The following XYLT1 variants were observed in gnomAD, a reference collection of about 807,000 sequenced individuals.
The protein encoded by XYLT1 is xylosyltransferase 1.
XYLT1 carries 36 observed loss-of-function variants against 91.3 expected under a neutral mutation model. The observed-to-expected ratio is 0.39, with a 90% CI of 0.30 to 0.52. The LOEUF is 0.52. Ranked by LOEUF, XYLT1 falls within the 20% of genes least tolerant of loss-of-function variation. XYLT1 has a pLI of 0.68. For synonymous variants in XYLT1, 588 were observed against 532.0 expected, an observed-to-expected ratio of 1.11 and a Z score of -1.45; for missense variants, 1,242 against 1,284.5, an observed-to-expected ratio of 0.97 and a Z score of 0.51.
At chr16:17,438,859 C>G (rs2036495997) in intron 1 of XYLT1, among the ~76,000 whole-genome samples, 2 of 152,108 alleles carry the variant, frequency 1.3e-5, no homozygotes, top group African/African-American at 4.8e-5. Flanking sequence ...TCCCACCAGG[C>G]CCCTCCCTCA....
chr16:17,247,571 G>A (rs1056698538), intron 3 of XYLT1, among the ~76,000 whole-genome samples: 1 of 152,210 alleles, frequency 6.6e-6, no homozygotes, highest in Non-Finnish European at 1.5e-5. Flanking sequence ...TCAGCAACCT[G>A]AGGAGGCAGG....
At chr16:17,132,431 C>G (rs1338024860) in intron 9 of XYLT1, among the ~76,000 whole-genome samples, 1 of 152,076 alleles carries the variant, frequency 6.6e-6, no homozygotes, top group Non-Finnish European at 1.5e-5. Context: ...AGGGAGAGAA[C>G]AAGGAATTGT....
chr16:17,277,206 T>G (rs140414556), intron 2 of XYLT1, among the ~76,000 whole-genome samples: 1 of 152,332 alleles, frequency 6.6e-6, no homozygotes, highest in Non-Finnish European at 1.5e-5. Context: ...TATTTTATTT[T>G]TATAATTTCA....
chr16:17,128,128 T>G (rs890906638), intron 9 of XYLT1, among the ~76,000 whole-genome samples: 5 of 152,210 alleles, frequency 3.3e-5, no homozygotes, highest in Non-Finnish European at 5.9e-5. Flanking sequence ...ATACATAATG[T>G]CCATTCACAG....
intron 2 of XYLT1, among the ~76,000 whole-genome samples, chr16:17,335,041 T>C (rs991271633): frequency 6.6e-6 from 1 of 151,794 alleles, no homozygotes; most frequent in Non-Finnish European, 1.5e-5. Context: ...CTGGCCAACA[T>C]GGCATAACCC....
At chr16:17,367,864 G>T (rs1300130369) in intron 1 of XYLT1, among the ~76,000 whole-genome samples, 1 of 152,162 alleles carries the variant, frequency 6.6e-6, no homozygotes, top group Non-Finnish European at 1.5e-5. Context: ...AGGAGGAAAG[G>T]CCTATTTCCT....
intron 1 of XYLT1, among the ~76,000 whole-genome samples, chr16:17,418,752 G>A (rs2036211537): frequency 6.6e-6 from 1 of 152,022 alleles, no homozygotes; most frequent in South Asian, 2.1e-4. Flanking sequence ...GGAGTCTGAG[G>A]TGGGAGGCTC....
chr16:17,322,442 T>C (rs1180155609), intron 2 of XYLT1, among the ~76,000 whole-genome samples: 1 of 152,170 alleles, frequency 6.6e-6, no homozygotes, highest in Non-Finnish European at 1.5e-5. Context: ...AGTGCTGCAG[T>C]GTCCTTTGAA....
chr16:17,138,716 CTT>C lies in XYLT1; in HGVS notation c.1588-187_1588-186del, dbSNP rs573292571. On this transcript the variant is annotated intron_variant, in intron 7 of 11. Coordinates refer to ENST00000261381, the MANE Select transcript of XYLT1 (RefSeq NM_022166.4). ...GCAGAACTGCAAGCCAAATAAACCT[CTT>C]TTCTTTATAAATTACCAAGCCTCAG... 75 of 580,922 alleles carry C rather than the reference CTT, an allele frequency of 1.3e-4. No individual in the cohort carries two copies. The South Asian group carries it at 1.7e-3, about 13-fold the overall frequency. 36.0% of individuals were successfully genotyped at this position (580,922 alleles called of 1,614,324 possible).
intron 5 of XYLT1, among the ~76,000 whole-genome samples, chr16:17,177,785 A>C (rs2031977043): frequency 6.6e-6 from 1 of 152,222 alleles, no homozygotes; most frequent in South Asian, 2.1e-4. Context: ...CACAAGATCA[A>C]CTGGATTTAT....
chr16:17,137,747 G>GTGTT lies in XYLT1; in HGVS notation c.1764+604_1764+607dup, dbSNP rs564584835. 5.9e-4 allele frequency: 88 copies of GTGTT among 150,284 alleles called. 3 individuals carry two copies. In the South Asian group the frequency reaches 0.018, roughly 30 times the overall value. The allele number at this position is 150,284 out of a possible 1,614,324, so 9.3% of individuals were successfully genotyped here. A position where few individuals can be genotyped will look rare whatever the true frequency, so the allele number is the denominator to read the frequency against. ...TACTCCTTCAAGTACACAGAACACA[G>GTGTT]TGTTTTCCCACAGAACACAGTGGTT... On this transcript the variant is annotated intron_variant, in intron 8 of 11. Coordinates refer to ENST00000261381, the MANE Select transcript of XYLT1 (RefSeq NM_022166.4).
chr16:17,195,995 G>A (rs374347197), intron 5 of XYLT1, among the ~76,000 whole-genome samples: 6 of 152,162 alleles, frequency 3.9e-5, no homozygotes, highest in East Asian at 3.9e-4. Context: ...AACCATTCCC[G>A]TTTATCCCTC....
chr16:17,112,861 A>G (rs1215860636), intron 11 of XYLT1, among the ~76,000 whole-genome samples: 2 of 152,096 alleles, frequency 1.3e-5, no homozygotes, highest in Admixed American at 6.5e-5. Flanking sequence ...TTTTTTTGAG[A>G]CGGAGTCTCG....
chr16:17,242,407 T>C (rs2141735961), intron 3 of XYLT1, among the ~76,000 whole-genome samples: 1 of 152,340 alleles, frequency 6.6e-6, no homozygotes, highest in East Asian at 1.9e-4. Context: ...AAAGTGTAAA[T>C]CAGATTGTGC....
At chr16:17,156,944 C>CTTT (rs71137977) in intron 6 of XYLT1, among the ~76,000 whole-genome samples, 1 of 147,432 alleles carries the variant, frequency 6.8e-6, no homozygotes. Context: ...TCTAGGGTTA[C>CTTT]TTTTTTTTTT....
At chr16:17,450,645 A>G (rs926254753) in intron 1 of XYLT1, among the ~76,000 whole-genome samples, 1 of 152,204 alleles carries the variant, frequency 6.6e-6, no homozygotes, top group Non-Finnish European at 1.5e-5. Flanking sequence ...CAGGCAGCCC[A>G]AAGCCACACC....
chr16:17,197,334 C>T (rs919086410), intron 5 of XYLT1, among the ~76,000 whole-genome samples: 2 of 152,072 alleles, frequency 1.3e-5, no homozygotes, highest in South Asian at 2.1e-4. Context: ...CCGTGAAAAC[C>T]TTCCAGGCCA....
intron 10 of XYLT1, among the ~76,000 whole-genome samples, chr16:17,123,488 T>C (rs938976982): frequency 4.6e-5 from 7 of 152,194 alleles, no homozygotes; most frequent in African/African-American, 7.2e-5. Context: ...AATTTGGGGG[T>C]TCCTTTTGGA....
chr16:17,325,126 G>T (rs939125255), intron 2 of XYLT1, among the ~76,000 whole-genome samples: 1 of 152,122 alleles, frequency 6.6e-6, no homozygotes, highest in African/African-American at 2.4e-5. Context: ...TGCCGGGCAC[G>T]GTGGCTCATG....
Sources: gnomAD v4.1 joint callset for allele counts (sites outside exome capture counted in the v4.1 genomes callset) on GRCh38, gnomAD v4.1.1 for gene constraint, MANE v1.5 for transcripts, NCBI Gene and HGNC (gene_info 2026-07-23, HGNC 2026-07-21) for gene names.